The following KIAA1671 variants were observed in gnomAD, a reference collection of about 807,000 sequenced individuals.
KIAA1671 encodes the protein KIAA1671.
KIAA1671 carries 52 observed loss-of-function variants against 131.2 expected under a neutral mutation model. The observed-to-expected ratio is 0.40, with a 90% CI of 0.32 to 0.50. The LOEUF is 0.50. Among genes scored for constraint, KIAA1671 ranks in the 20% least tolerant of loss-of-function variants. KIAA1671 has a pLI of 0.73. For synonymous variants in KIAA1671, 1,003 were observed against 961.6 expected, an observed-to-expected ratio of 1.04 and a Z score of -0.80; for missense variants, 2,360 against 2,364.2, an observed-to-expected ratio of 1.00 and a Z score of 0.04.
intron 1 of KIAA1671, among the ~76,000 whole-genome samples, chr22:25,001,931 TATAAA>T (rs1569203091): frequency 2.0e-5 from 3 of 152,112 alleles, no homozygotes; most frequent in Admixed American, 2.0e-4. Context: ...AAATATATGA[TATAAA>T]ATATATAATC....
chr22:25,099,577 T>C (rs1184826208), intron 6 of KIAA1671, among the ~76,000 whole-genome samples: 1 of 128,530 alleles, frequency 7.8e-6, no homozygotes, highest in Non-Finnish European at 1.6e-5. Flanking sequence ...TTTTTTTAGA[T>C]AGAGTCTCGC....
At chr22:25,174,688 C>T (rs1467087188) in intron 8 of KIAA1671, 199 bp downstream of exon 8, 92 of 538,860 alleles carry the variant, frequency 1.7e-4, no homozygotes, top group Non-Finnish European at 1.9e-5. Flanking sequence ...CAAATGTCTT[C>T]ACCTCTCTGA....
rs1475034484 is a variant in KIAA1671 at position 25,040,963 on chromosome 22, A to G, written c.3833A>G (p.Lys1278Arg). 108 of 1,475,574 alleles carry G rather than the reference A, an allele frequency of 7.3e-5. No homozygotes were observed. The highest frequency in any genetic ancestry group is 9.4e-5 in the Non-Finnish European group (105 of 1,112,680). 91.4% of individuals were successfully genotyped at this position (1,475,574 alleles called of 1,614,324 possible). ...CACAGTTTCACTCCTGGCTTAGGCAAGCAGCTGGCAGAGACCTTGGAGACA... is the reference window on the plus strand; with the variant it reads ...CACAGTTTCACTCCTGGCTTAGGCAGGCAGCTGGCAGAGACCTTGGAGACA... ...INHSFTPGLG[K>R]QLAETLETAM... is the part of the protein sequence containing the mutation. Residue 1278 changes from lysine (K) to arginine (R), a missense_variant, in exon 5 of 13, where the codon AAG becomes AGG. This residue lies in a region of KIAA1671 where 1,161 missense variants were observed against 1,204.7 expected (regional missense o/e 0.96). Coordinates refer to ENST00000358431, the MANE Select transcript of KIAA1671 (RefSeq NM_001145206.2).
intron 6 of KIAA1671, among the ~76,000 whole-genome samples, chr22:25,136,305 G>GA (rs1285665446): frequency 2.0e-5 from 3 of 152,134 alleles, no homozygotes; most frequent in Non-Finnish European, 4.4e-5. Flanking sequence ...CTTTTCAGAT[G>GA]AAGAAATCAA....
chr22:25,041,608 C>T (rs1043676203), intron 5 of KIAA1671, 83 bp downstream of exon 5: 262 of 1,385,702 alleles, frequency 1.9e-4, no homozygotes, highest in Non-Finnish European at 1.8e-4. Flanking sequence ...TTTTGTGTGG[C>T]CCACTTTGGG....
chr22:25,103,346 G>A (rs552938355), intron 6 of KIAA1671, among the ~76,000 whole-genome samples: 1 of 152,092 alleles, frequency 6.6e-6, no homozygotes, highest in South Asian at 2.1e-4. Flanking sequence ...GGGTAGCTGG[G>A]ATTACAGGCA....
chr22:25,181,448 G>C (rs1004412817), intron 9 of KIAA1671, among the ~76,000 whole-genome samples: 1 of 152,194 alleles, frequency 6.6e-6, no homozygotes, highest in African/African-American at 2.4e-5. Flanking sequence ...AGATGGGTTT[G>C]CCTCTGTCCT....
intron 10 of KIAA1671, among the ~76,000 whole-genome samples, chr22:25,184,037 T>G (rs1934385762): frequency 6.6e-6 from 1 of 152,246 alleles, no homozygotes; most frequent in African/African-American, 2.4e-5. Context: ...CAGTCCACTG[T>G]GCTCTGTGAA....
intron 1 of KIAA1671, among the ~76,000 whole-genome samples, chr22:24,961,380 G>A (rs369187277): frequency 9.8e-5 from 15 of 152,306 alleles, no homozygotes; most frequent in South Asian, 8.3e-4. Context: ...CTGGACATAC[G>A]TGGTCCCTGT....
At chr22:25,138,567 C>T (rs905354753) in intron 6 of KIAA1671, among the ~76,000 whole-genome samples, 1 of 152,180 alleles carries the variant, frequency 6.6e-6, no homozygotes, top group Non-Finnish European at 1.5e-5. Context: ...GCTCTTGTTG[C>T]TTAGATTGAT....
chr22:25,179,925 C>A (rs1457818949), intron 9 of KIAA1671, among the ~76,000 whole-genome samples: 1 of 152,076 alleles, frequency 6.6e-6, no homozygotes, highest in South Asian at 2.1e-4. Context: ...GGCTGCTTAC[C>A]GTATCAAAAC....
chr22:25,020,828 C>T (rs1925627380), intron 1 of KIAA1671, among the ~76,000 whole-genome samples: 1 of 152,124 alleles, frequency 6.6e-6, no homozygotes, highest in Non-Finnish European at 1.5e-5. Flanking sequence ...GTGTCTGTGA[C>T]AGACAGATGG....
At position 25,182,140 on chromosome 22, in the gene KIAA1671, C is replaced by T. The variant is rs184227644; in HGVS notation, c.5199+317C>T. 3.9e-5 allele frequency among the ~76,000 whole-genome samples: 6 copies of T among 152,012 alleles called. No individual in the cohort carries two copies. In the East Asian group the frequency reaches 9.7e-4, roughly 25 times the overall value. The stretch of plus-strand genomic sequence containing the variant: ...CTTGCAGTAAGCCGAGATTGCGCCA[C>T]GGCACTCCAGCCTGGGCGACAGAGC... On this transcript the variant is annotated intron_variant, in intron 10 of 12. Transcript: ENST00000358431.
At chr22:25,167,088 C>A (rs994736488) in intron 6 of KIAA1671, among the ~76,000 whole-genome samples, 3 of 152,160 alleles carry the variant, frequency 2.0e-5, no homozygotes, top group Middle Eastern at 3.4e-3. Flanking sequence ...CAGATGACCA[C>A]TTCTAGCCCT....
At chr22:24,980,475 T>C (rs1923170380) in intron 1 of KIAA1671, among the ~76,000 whole-genome samples, 4 of 151,842 alleles carry the variant, frequency 2.6e-5, no homozygotes, top group Admixed American at 2.6e-4. Context: ...TTTCTCCATC[T>C]TGGCCAGGCT....
At chr22:25,114,920 C>G (rs568345274) in intron 6 of KIAA1671, among the ~76,000 whole-genome samples, 1 of 152,198 alleles carries the variant, frequency 6.6e-6, no homozygotes, top group African/African-American at 2.4e-5. Flanking sequence ...CATGATTTAT[C>G]TAAATAATCC....
Position 25,181,144 on chromosome 22 carries a change from A to G in KIAA1671, c.5075-555A>G, listed in dbSNP as rs531526233. Among the ~76,000 whole-genome samples, 4 of 152,146 alleles carry G rather than the reference A, an allele frequency of 2.6e-5. No individual in the cohort carries two copies. The South Asian group carries it at 8.3e-4, about 32-fold the overall frequency. On this transcript the variant is annotated intron_variant, in intron 9 of 12. Transcript: ENST00000358431. Reference sequence around the variant, plus strand: ...TCTCAGAGAAGTAGAAACTCCTCCCATATCACTCCTGGAAGAGTGGGATAG... The same window carrying G: ...TCTCAGAGAAGTAGAAACTCCTCCCGTATCACTCCTGGAAGAGTGGGATAG...
At chr22:25,192,230 C>T (rs773666999) in intron 12 of KIAA1671, among the ~76,000 whole-genome samples, 176 bp from the exon 13 acceptor site, 1 of 152,078 alleles carries the variant, frequency 6.6e-6, no homozygotes, top group Non-Finnish European at 1.5e-5. Flanking sequence ...TATTCCATGC[C>T]TGCCACCCTC....
chr22:25,028,200 C>T lies in KIAA1671; in HGVS notation c.201C>T (p.Ala67=), dbSNP rs1485192340. The change falls in exon 3 of 13, where the codon GCC becomes GCT. Residue 67 remains alanine, a synonymous_variant. Transcript: ENST00000358431. ...GGTTACTCCCTCTGCCAAGGCTCGC[C>T]CCCAAACCCTTCTCGAAGGAGCAGG... ...PARLLPLPRL[A]PKPFSKEQDV... 9.0e-6 allele frequency: 14 copies of T among 1,550,966 alleles called. No individual in the cohort carries two copies. Among genetic ancestry groups the T allele is most frequent in the Middle Eastern group, 1.7e-4 (1 of 6,014 alleles).
Sources: gnomAD v4.1 joint callset for allele counts (sites outside exome capture counted in the v4.1 genomes callset) on GRCh38, gnomAD v4.1.1 for gene constraint, gnomAD v4.1.1 regional missense constraint, MANE v1.5 for transcripts, NCBI Gene and HGNC (gene_info 2026-07-23, HGNC 2026-07-21) for gene names.